Variants in ARFGEF2 observed in about 807,000 individuals in gnomAD.
The protein encoded by ARFGEF2 is brefeldin A-inhibited guanine nucleotide-exchange protein 2.
In ARFGEF2, 74 loss-of-function variants were observed where a neutral mutation model predicts 219.9. That is an observed-to-expected ratio of 0.34 (90% confidence interval 0.28 to 0.41). The LOEUF is 0.41. Ranked by LOEUF, ARFGEF2 falls within the 10% of genes least tolerant of loss-of-function variation. The pLI is 1.00. For missense variants in ARFGEF2, 1,743 were observed against 2,218.3 expected, an observed-to-expected ratio of 0.79 and a Z score of 4.30; for synonymous variants, 733 against 799.2, an observed-to-expected ratio of 0.92 and a Z score of 1.40.
At chr20:48,946,056 G>T (rs1050607312) in intron 3 of ARFGEF2, among the ~76,000 whole-genome samples, 2 of 152,184 alleles carry the variant, frequency 1.3e-5, no homozygotes, top group African/African-American at 4.8e-5. Flanking sequence ...CATGGTGGCT[G>T]CCCTTGCCAA....
intron 1 of ARFGEF2, among the ~76,000 whole-genome samples, chr20:48,932,775 C>T (rs1337570733): frequency 6.6e-6 from 1 of 152,104 alleles, no homozygotes; most frequent in South Asian, 2.1e-4. Context: ...TCCCCAGTTC[C>T]ATATAGGGAC....
intron 34 of ARFGEF2, among the ~76,000 whole-genome samples, chr20:49,022,464 A>G (rs1045647169): frequency 2.6e-5 from 4 of 151,906 alleles, no homozygotes; most frequent in African/African-American, 9.7e-5. Context: ...TGGCCTCTTC[A>G]GAGGGGCTGG....
rs1438182375 is a variant in ARFGEF2 at position 49,033,052 on chromosome 20, C to T, written c.5211C>T (p.Pro1737=). 3 of 1,614,102 alleles carry T rather than the reference C, an allele frequency of 1.9e-6. No homozygotes were observed. The African/African-American group carries it at 4.0e-5, about 22-fold the overall frequency. Residue 1737 remains proline, a synonymous_variant, in exon 39 of 39, where the codon CCC becomes CCT. Transcript: ENST00000371917. Reference sequence around the variant, plus strand: ...AAGCACATGCTTCAATGTACTACCCCTACTTGTGTGAAATTATGCAGTTTG... The same window carrying T: ...AAGCACATGCTTCAATGTACTACCCTTACTTGTGTGAAATTATGCAGTTTG... ...KFKAHASMYY[P]YLCEIMQFDL... is the part of the protein sequence containing the mutation.
At chr20:49,018,618 T>C (rs1324212091) in intron 33 of ARFGEF2, among the ~76,000 whole-genome samples, 1 of 152,208 alleles carries the variant, frequency 6.6e-6, no homozygotes, top group Non-Finnish European at 1.5e-5. Flanking sequence ...GTCACACTTA[T>C]TGTTAAATCC....
At chr20:48,957,090 A>G (rs1218216784) in intron 6 of ARFGEF2, among the ~76,000 whole-genome samples, 1 of 152,140 alleles carries the variant, frequency 6.6e-6, no homozygotes, top group African/African-American at 2.4e-5. Context: ...TTCTATCCTT[A>G]GGGTCATCTT....
chr20:48,941,459 C>A (rs368412654), intron 2 of ARFGEF2, among the ~76,000 whole-genome samples: 1 of 152,274 alleles, frequency 6.6e-6, no homozygotes, highest in African/African-American at 2.4e-5. Flanking sequence ...GGATCAAGAT[C>A]GAGGTAATGC....
At chr20:48,972,591 A>G (rs2091235260) in intron 11 of ARFGEF2, among the ~76,000 whole-genome samples, 166 bp downstream of exon 11, 1 of 152,160 alleles carries the variant, frequency 6.6e-6, no homozygotes, top group African/African-American at 2.4e-5. Flanking sequence ...AGGATGACCA[A>G]CTTAGGCTGG....
chr20:49,027,976 A>T (rs1256398487), intron 36 of ARFGEF2, among the ~76,000 whole-genome samples: 2 of 152,016 alleles, frequency 1.3e-5, no homozygotes, highest in African/African-American at 2.4e-5. Context: ...AACACTAAAA[A>T]ATTAGCTGGG....
chr20:49,019,125 T>C (rs996392939), intron 34 of ARFGEF2, 127 bp downstream of exon 34: 1 of 774,520 alleles, frequency 1.3e-6, no homozygotes, highest in East Asian at 2.9e-5. Context: ...CAGTTCTCTG[T>C]AGCAGCCAAG....
chr20:49,023,904 T>C (rs1377572321), intron 35 of ARFGEF2, among the ~76,000 whole-genome samples: 1 of 152,212 alleles, frequency 6.6e-6, no homozygotes, highest in Non-Finnish European at 1.5e-5. Context: ...AGTTTTTCCT[T>C]CAAGAATTTC....
intron 29 of ARFGEF2, 41 bp downstream of exon 29, chr20:49,013,735 A>G: frequency 2.5e-6 from 4 of 1,614,060 alleles, no homozygotes; most frequent in Non-Finnish European, 3.4e-6. Flanking sequence ...CATCACTGAA[A>G]TGAACCTCAG....
At chr20:48,972,031 G>A (rs6066932) in intron 10 of ARFGEF2, among the ~76,000 whole-genome samples, 46,479 of 152,002 alleles carry the variant, frequency 0.31, 7,404 homozygotes, top group East Asian at 0.47. Context: ...TAGATTAGTC[G>A]CCAAATTGAG....
chr20:48,928,141 C>G (rs899425342), intron 1 of ARFGEF2, among the ~76,000 whole-genome samples: 3 of 151,562 alleles, frequency 2.0e-5, no homozygotes, highest in Non-Finnish European at 4.4e-5. Flanking sequence ...GGCACAGTAC[C>G]TGGCACCTAA....
chr20:48,980,603 T>A (rs1204378640), intron 14 of ARFGEF2, among the ~76,000 whole-genome samples: 2 of 152,192 alleles, frequency 1.3e-5, no homozygotes, highest in Non-Finnish European at 2.9e-5. Context: ...CCCAGTATTT[T>A]TGTTTGGGAG....
chr20:49,005,876 C>A (rs1221256103), intron 26 of ARFGEF2, among the ~76,000 whole-genome samples: 1 of 152,138 alleles, frequency 6.6e-6, no homozygotes, highest in Non-Finnish European at 1.5e-5. Flanking sequence ...CACTTCTCCC[C>A]CAGGGAGGTC....
At chr20:48,935,097 C>CTTTTTTT (rs1264009798) in intron 1 of ARFGEF2, among the ~76,000 whole-genome samples, 1 of 151,908 alleles carries the variant, frequency 6.6e-6, no homozygotes, top group Non-Finnish European at 1.5e-5. Context: ...GCATTTCTCT[C>CTTTTTTT]TTTTTTTCTT....
chr20:48,991,242 C>T, intron 21 of ARFGEF2, 44 bp downstream of exon 21: 2 of 1,610,008 alleles, frequency 1.2e-6, no homozygotes, highest in Non-Finnish European at 1.7e-6. Flanking sequence ...AGGATGACTC[C>T]TGGCTTCCTT....
chr20:48,969,110 G>A (rs780451625), intron 8 of ARFGEF2, 37 bp from the exon 9 acceptor site: 27 of 1,606,864 alleles, frequency 1.7e-5, no homozygotes, highest in Non-Finnish European at 2.2e-5. Flanking sequence ...ACAGGTGGGT[G>A]CCACCACACC....
At chr20:48,963,754 A>C in intron 6 of ARFGEF2, 76 bp from the exon 7 acceptor site, 66 of 1,355,012 alleles carry the variant, frequency 4.9e-5, no homozygotes, top group Middle Eastern at 1.8e-4. Flanking sequence ...AACTCCCCAT[A>C]ATCTCCTTTT....
Sources: gnomAD v4.1 joint callset for allele counts (sites outside exome capture counted in the v4.1 genomes callset) on GRCh38, gnomAD v4.1.1 for gene constraint, MANE v1.5 for transcripts, NCBI Gene and HGNC (gene_info 2026-07-23, HGNC 2026-07-21) for gene names.